Variants in PCBP2 observed in about 807,000 individuals in gnomAD.
PCBP2 encodes the protein poly(rC)-binding protein 2.
In PCBP2, 4 loss-of-function variants were observed where a neutral mutation model predicts 50.1. The ratio of observed to expected loss-of-function variants is 0.08; its 90% CI spans 0.04 to 0.18. PCBP2 has a LOEUF of 0.18. Ranked by LOEUF, PCBP2 falls within the 10% of genes least tolerant of loss-of-function variation. PCBP2 has a pLI of 1.00. For synonymous variants in PCBP2, 179 were observed against 168.0 expected, an observed-to-expected ratio of 1.07 and a Z score of -0.51; for missense variants, 161 against 474.3, an observed-to-expected ratio of 0.34 and a Z score of 6.14.
At chr12:53,465,880 G>T in intron 9 of PCBP2, 52 bp from the exon 10 acceptor site, 7 of 1,449,152 alleles carry the variant, frequency 4.8e-6, no homozygotes, top group Non-Finnish European at 6.8e-6. Context: ...CCCCCCACTG[G>T]GTGGCTGTCC....
intron 14 of PCBP2, chr12:53,474,993 G>A (rs1942478963): frequency 4.4e-6 from 2 of 456,018 alleles, no homozygotes; most frequent in South Asian, 1.5e-5. Context: ...CCCCTCGCTC[G>A]CCACAGCGGG....
intron 12 of PCBP2, 107 bp downstream of exon 12, chr12:53,467,950 CAG>C: frequency 1.1e-6 from 1 of 905,682 alleles, no homozygotes; most frequent in Non-Finnish European, 1.8e-6. Context: ...ATGCACATGG[CAG>C]AGAGGAGCTG....
At chr12:53,472,400 A>G (rs747578723) in intron 14 of PCBP2, among the ~76,000 whole-genome samples, 8 of 152,168 alleles carry the variant, frequency 5.3e-5, no homozygotes, top group Non-Finnish European at 1.0e-4. Flanking sequence ...TCATCCCTTA[A>G]TGACTTCCTG....
rs1943018952 is a variant in PCBP2 at position 53,481,108 on chromosome 12, CATATATATATATATAT to C, written c.*1667_*1682del. 2 of 580,938 alleles carry C rather than the reference CATATATATATATATAT, an allele frequency of 3.4e-6. No individual in the cohort carries two copies. The highest frequency in any genetic ancestry group is 7.9e-5 in the South Asian group (1 of 12,662). The allele number at this position is 580,938 out of a possible 1,614,324, so 36.0% of individuals were successfully genotyped here. A position where few individuals can be genotyped will look rare whatever the true frequency, so the allele number is the denominator to read the frequency against. ...CCATCTTTCTGTTGATTATGTGGCG[CATATATATATATATAT>C]GTATATATATATAATTTATATAAAT... is the stretch of plus-strand genomic sequence containing the variant. On this transcript the variant is annotated 3_prime_UTR_variant, in exon 15 of 15. Transcript: ENST00000546463.
At chr12:53,455,796 A>T in intron 4 of PCBP2, 89 bp from the exon 5 acceptor site, 1 of 866,910 alleles carries the variant, frequency 1.2e-6, no homozygotes, top group Non-Finnish European at 1.9e-6. Context: ...AGGATCATGT[A>T]CATTGGCAGT....
At chr12:53,464,311 A>ACCCTCCCTCCCT (rs1164067009) in intron 8 of PCBP2, among the ~76,000 whole-genome samples, 1 of 41,104 alleles carries the variant, frequency 2.4e-5, no homozygotes, top group African/African-American at 9.8e-5. Context: ...TTCCCTACCC[A>ACCCTCCCTCCCT]CCCTCCCTCC....
intron 10 of PCBP2, among the ~76,000 whole-genome samples, chr12:53,466,728 G>A (rs1941850622): frequency 6.6e-6 from 1 of 152,052 alleles, no homozygotes; most frequent in East Asian, 1.9e-4. Context: ...AGTCAGTGGT[G>A]GCGGTGATGG....
intron 1 of PCBP2, among the ~76,000 whole-genome samples, chr12:53,452,617 A>C (rs1326808379): frequency 6.8e-6 from 1 of 147,496 alleles, no homozygotes; most frequent in Non-Finnish European, 1.5e-5. Context: ...GCGGCTGCGC[A>C]GGAGTCAGGG....
In PCBP2 at chr12:53,462,477, T is replaced by C; in HGVS notation, c.505-16T>C. ...CTTATCTCTTTTTGTTTTTTTCCCC[T>C]CTGACTCTCTCCCAGTCCCCCCCGA... On this transcript the variant is annotated splice_polypyrimidine_tract_variant and intron_variant, in intron 7 of 14. Transcript: ENST00000546463. The C allele has an allele frequency of 6.2e-7, 1 of 1,605,106 alleles. No individual in the cohort carries two copies. Among genetic ancestry groups the C allele is most frequent in the East Asian group, 2.2e-5 (1 of 44,658 alleles).
At chr12:53,465,716 TATA>T in intron 9 of PCBP2, among the ~76,000 whole-genome samples, 1 of 152,200 alleles carries the variant, frequency 6.6e-6, no homozygotes, top group Non-Finnish European at 1.5e-5. Context: ...TGGCTACCTT[TATA>T]GGATTCCCCG....
rs1006969860 is a variant in PCBP2 at position 53,456,193 on chromosome 12, G to A, written c.243+192G>A. 2.7e-5 allele frequency: 16 copies of A among 582,906 alleles called. No individual in the cohort carries two copies. In the East Asian group the frequency reaches 3.6e-4, roughly 13 times the overall value. The allele number at this position is 582,906 out of a possible 1,614,324, so 36.1% of individuals were successfully genotyped here. On this transcript the variant is annotated intron_variant, in intron 5 of 14. Coordinates refer to ENST00000546463, the MANE Select transcript of PCBP2 (RefSeq NM_031989.5). ...AAAAAAGAGTCACTTGAGGCTGGGC[G>A]TGGTGGCTCATGGCTGTAGTCCCAG... is the stretch of plus-strand genomic sequence containing the variant.
intron 5 of PCBP2, among the ~76,000 whole-genome samples, chr12:53,456,875 T>G (rs1179557169): frequency 1.3e-5 from 2 of 152,206 alleles, no homozygotes; most frequent in Non-Finnish European, 2.9e-5. Flanking sequence ...AGAGGAGTGC[T>G]GCTTCCTTGG....
chr12:53,472,524 C>A (rs1281201501), intron 14 of PCBP2, among the ~76,000 whole-genome samples: 1 of 152,220 alleles, frequency 6.6e-6, no homozygotes, highest in Non-Finnish European at 1.5e-5. Context: ...TTTCTCAACT[C>A]ATGGGCTGAA....
chr12:53,479,041 G>A (rs1292305831), intron 14 of PCBP2, among the ~76,000 whole-genome samples: 1 of 152,088 alleles, frequency 6.6e-6, no homozygotes, highest in Non-Finnish European at 1.5e-5. Context: ...TTTGGGAGGA[G>A]CCAAAGTGAG....
At chr12:53,469,615 AT>A (rs1242998936) in intron 13 of PCBP2, among the ~76,000 whole-genome samples, 2 of 152,204 alleles carry the variant, frequency 1.3e-5, no homozygotes, top group Non-Finnish European at 2.9e-5. Context: ...AATCCCAGCT[AT>A]TTGGGAGGCT....
Position 53,455,938 on chromosome 12 carries a change from T to C in PCBP2, c.180T>C (p.Thr60=). The change falls in exon 5 of 15, where the codon ACT becomes ACC. Residue 60 remains threonine, a synonymous_variant. Transcript: ENST00000546463. The part of the protein sequence containing the change: ...SEGNCPERII[T]LAGPTNAIFK... ...GGAATTGTCCTGAGAGAATTATCACTTTGGCTGGACCCACTAATGCCATCT... is the reference window on the plus strand; with the variant it reads ...GGAATTGTCCTGAGAGAATTATCACCTTGGCTGGACCCACTAATGCCATCT... 6.2e-7 allele frequency: 1 copy of C among 1,614,002 alleles called. No homozygotes were observed. The highest frequency in any genetic ancestry group is 1.1e-5 in the South Asian group (1 of 91,076).
chr12:53,476,324 A>G (rs980111784), intron 14 of PCBP2, among the ~76,000 whole-genome samples: 2 of 152,176 alleles, frequency 1.3e-5, no homozygotes, highest in African/African-American at 4.8e-5. Flanking sequence ...CTCATTTTAC[A>G]GATTAAAAAA....
At chr12:53,455,226 A>T in intron 2 of PCBP2, 121 bp from the exon 3 acceptor site, 3 of 938,974 alleles carry the variant, frequency 3.2e-6, no homozygotes, top group Non-Finnish European at 1.6e-6. Context: ...CTAGACAGTT[A>T]AAATTCCTTT....
rs545911640 is a variant in PCBP2, at chr12:53,468,093, G to A, written c.826+250G>A. The A allele has an allele frequency of 1.0e-5, 5 of 488,342 alleles. No homozygotes were observed. The Admixed American group carries it at 1.7e-4, about 17-fold the overall frequency. The allele number at this position is 488,342 out of a possible 1,614,324, so 30.3% of individuals were successfully genotyped here. A position where few individuals can be genotyped will look rare whatever the true frequency, so the allele number is the denominator to read the frequency against. On this transcript the variant is annotated intron_variant, in intron 12 of 14. Coordinates refer to ENST00000546463, the MANE Select transcript of PCBP2 (RefSeq NM_031989.5). ...AGCTTGAGTGTTAGCCAGCTGGCCT[G>A]GTTCAGTCCAGGTGTTGTTAAAGAT... is the stretch of plus-strand genomic sequence containing the variant.
Sources: gnomAD v4.1 joint callset for allele counts (sites outside exome capture counted in the v4.1 genomes callset) on GRCh38, gnomAD v4.1.1 for gene constraint, MANE v1.5 for transcripts, NCBI Gene and HGNC (gene_info 2026-07-23, HGNC 2026-07-21) for gene names.